Variants in EPHA3 observed in about 807,000 individuals in gnomAD.
EPHA3 encodes EPH receptor A3.
A neutral mutation model predicts 107.1 loss-of-function variants in EPHA3; 42 were observed. The ratio of observed to expected loss-of-function variants is 0.39; its 90% CI spans 0.31 to 0.51. EPHA3 has a LOEUF of 0.51. EPHA3 is among the 20% of genes least tolerant of loss of function. The pLI is 0.78. For synonymous variants in EPHA3, 461 were observed against 424.8 expected, an observed-to-expected ratio of 1.09 and a Z score of -1.05; for missense variants, 1,183 against 1,211.2, an observed-to-expected ratio of 0.98 and a Z score of 0.35.
intron 3 of EPHA3, among the ~76,000 whole-genome samples, chr3:89,254,192 T>A (rs1705225957): frequency 1.3e-5 from 2 of 152,266 alleles, no homozygotes; most frequent in South Asian, 4.1e-4. Flanking sequence ...TCTCTATAGC[T>A]TATATTAAAA....
At position 89,450,398 on chromosome 3, in the gene EPHA3, T is replaced by A. The variant is rs1423393148; in HGVS notation, c.2690+28T>A. On this transcript the variant is annotated intron_variant, in intron 15 of 16. Coordinates refer to ENST00000336596, the MANE Select transcript of EPHA3 (RefSeq NM_005233.6). ...GACACATTCAATTTGTTATCTGGCA[T>A]TCACTCTGAAATTTGTGTTTGCTAT... 3 of 1,589,616 alleles carry A rather than the reference T, an allele frequency of 1.9e-6. No homozygotes were observed. In the East Asian group the frequency reaches 6.8e-5, roughly 36 times the overall value.
At chr3:89,170,500 T>C (rs536529009) in intron 2 of EPHA3, among the ~76,000 whole-genome samples, 3 of 152,222 alleles carry the variant, frequency 2.0e-5, no homozygotes, top group East Asian at 3.9e-4. Flanking sequence ...TTTCCACTGG[T>C]CTATGGAATG....
chr3:89,347,771 C>G (rs1297551469), intron 5 of EPHA3, among the ~76,000 whole-genome samples: 2 of 150,100 alleles, frequency 1.3e-5, no homozygotes, highest in African/African-American at 4.9e-5. Context: ...TAGCTCTTAT[C>G]ATTTTGAAAT....
intron 2 of EPHA3, among the ~76,000 whole-genome samples, chr3:89,179,593 A>T (rs555010270): frequency 6.6e-6 from 1 of 151,962 alleles, no homozygotes; most frequent in Admixed American, 6.6e-5. Flanking sequence ...CTGTGTGGTT[A>T]ACTGTAGTGA....
At chr3:89,455,904 A>C (rs1512183) in intron 15 of EPHA3, among the ~76,000 whole-genome samples, 1 of 151,984 alleles carries the variant, frequency 6.6e-6, no homozygotes, top group African/African-American at 2.4e-5. Flanking sequence ...GTTTTCTGTG[A>C]TTGTGTCTGT....
chr3:89,127,627 T>A (rs1704121181), intron 2 of EPHA3, among the ~76,000 whole-genome samples: 2 of 152,018 alleles, frequency 1.3e-5, no homozygotes, highest in Admixed American at 6.6e-5. Flanking sequence ...AGTGTGTATT[T>A]GGAGACGGTA....
intron 3 of EPHA3, among the ~76,000 whole-genome samples, chr3:89,265,962 T>C (rs1374597718): frequency 6.6e-6 from 1 of 152,120 alleles, no homozygotes; most frequent in Admixed American, 6.6e-5. Context: ...AGGATTTGAT[T>C]GAAAATTTGC....
intron 5 of EPHA3, among the ~76,000 whole-genome samples, chr3:89,357,239 A>T (rs1258028976): frequency 1.3e-5 from 2 of 149,832 alleles, no homozygotes; most frequent in African/African-American, 4.9e-5. Flanking sequence ...CTGGATAAAG[A>T]GTTAGAAGAA....
rs1709416065 is a variant in EPHA3 at position 89,424,394 on chromosome 3, C to T, written c.2075-4712C>T. Reference sequence around the variant, plus strand: ...CCTGATAAAGGTATGTAAACAGCCCCCAAACAAACACAAACAAACCCACAA... The same window carrying T: ...CCTGATAAAGGTATGTAAACAGCCCTCAAACAAACACAAACAAACCCACAA... On this transcript the variant is annotated intron_variant, in intron 11 of 16. Coordinates refer to ENST00000336596, the MANE Select transcript of EPHA3 (RefSeq NM_005233.6). Among the ~76,000 whole-genome samples, 4 of 151,146 alleles carry T rather than the reference C, an allele frequency of 2.6e-5. No individual in the cohort carries two copies. In the Admixed American group the frequency reaches 2.6e-4, roughly 10 times the overall value.
chr3:89,395,854 A>G lies in EPHA3; in HGVS notation c.1324A>G (p.Thr442Ala), dbSNP rs757664499. 1.9e-6 allele frequency: 3 copies of G among 1,613,896 alleles called. 1 individual carries two copies. In the South Asian group the frequency reaches 3.3e-5, roughly 18 times the overall value. ...CTTTACAGCTCCATCACCTGTCCTG[A>G]CGATTAAGAAAGATCGGACCTCCAG... ...TNQAAPSPVL[T>A]IKKDRTSRNS... The change falls in exon 6 of 17, where the codon ACG becomes GCG. Residue 442 changes from threonine to alanine, a missense_variant. By Grantham distance (58) the Thr-to-Ala change is moderately conservative. Coordinates refer to ENST00000336596, the MANE Select transcript of EPHA3 (RefSeq NM_005233.6).
chr3:89,354,138 A>G (rs1707893987), intron 5 of EPHA3, among the ~76,000 whole-genome samples: 1 of 151,316 alleles, frequency 6.6e-6, no homozygotes, highest in Admixed American at 6.6e-5. Flanking sequence ...CTTATTTTCC[A>G]AGGAGAACAT....
At chr3:89,274,768 G>A (rs1705764984) in intron 3 of EPHA3, among the ~76,000 whole-genome samples, 1 of 151,914 alleles carries the variant, frequency 6.6e-6, no homozygotes, top group Non-Finnish European at 1.5e-5. Context: ...TCGTAACCAA[G>A]GAGGGAAGAA....
At chr3:89,130,570 T>C (rs1005782248) in intron 2 of EPHA3, among the ~76,000 whole-genome samples, 1 of 151,902 alleles carries the variant, frequency 6.6e-6, no homozygotes, top group Non-Finnish European at 1.5e-5. Context: ...GACGTATTCA[T>C]ACATGAAACT....
chr3:89,394,102 A>G (rs1299522929), intron 5 of EPHA3, among the ~76,000 whole-genome samples: 1 of 152,110 alleles, frequency 6.6e-6, no homozygotes, highest in Admixed American at 6.6e-5. Flanking sequence ...CAACACCTAC[A>G]TTTTTCCTTG....
intron 3 of EPHA3, among the ~76,000 whole-genome samples, chr3:89,229,956 A>G (rs1243031710): frequency 6.6e-6 from 1 of 152,106 alleles, no homozygotes; most frequent in East Asian, 1.9e-4. Context: ...AATATGTTAG[A>G]AATGGCATAA....
chr3:89,339,145 G>C (rs564127749), intron 3 of EPHA3, among the ~76,000 whole-genome samples: 1 of 152,166 alleles, frequency 6.6e-6, no homozygotes, highest in South Asian at 2.1e-4. Flanking sequence ...GGCCGAGGCG[G>C]GCGGATCACA....
intron 2 of EPHA3, among the ~76,000 whole-genome samples, chr3:89,162,923 G>A (rs970765002): frequency 6.6e-6 from 1 of 152,192 alleles, no homozygotes. Context: ...AGCAGCCGGG[G>A]CTGCAGTCCT....
chr3:89,394,513 C>A (rs746613418), intron 5 of EPHA3, among the ~76,000 whole-genome samples: 1 of 152,164 alleles, frequency 6.6e-6, no homozygotes, highest in Non-Finnish European at 1.5e-5. Flanking sequence ...GGAAATATTG[C>A]AGTAGATTCT....
At position 89,395,995 on chromosome 3, in the gene EPHA3, A is replaced by C. The variant is rs762715987; in HGVS notation, c.1431+34A>C. ...ACAATGTTTAAGGGTTGGGCTGTGT[A>C]GGCAAGAAGCTGTTTCCTCATGAGC... On this transcript the variant is annotated intron_variant, in intron 6 of 16. Coordinates refer to ENST00000336596, the MANE Select transcript of EPHA3 (RefSeq NM_005233.6). The C allele has an allele frequency of 3.1e-6, 5 of 1,609,272 alleles. No individual in the cohort carries two copies. The Admixed American group carries it at 6.7e-5, about 22-fold the overall frequency.
Sources: allele counts gnomAD v4.1 joint callset (sites outside exome capture counted in the v4.1 genomes callset), GRCh38; gene constraint gnomAD v4.1.1; transcripts MANE v1.5; gene names NCBI Gene and HGNC (gene_info 2026-07-23, HGNC 2026-07-21).